Variants in PLCZ1 observed in about 807,000 individuals in gnomAD.
PLCZ1 encodes the protein 1-phosphatidylinositol 4,5-bisphosphate phosphodiesterase zeta-1.
A neutral mutation model predicts 76.8 loss-of-function variants in PLCZ1; 64 were observed. The ratio of observed to expected loss-of-function variants is 0.83; its 90% CI spans 0.68 to 1.03. PLCZ1 has a LOEUF of 1.03. Among genes scored for constraint, PLCZ1 ranks in the 50% least tolerant of loss-of-function variants. PLCZ1 has a pLI of 0.00. For missense variants in PLCZ1, 751 were observed against 713.7 expected, an observed-to-expected ratio of 1.05 and a Z score of -0.60; for synonymous variants, 248 against 230.8, an observed-to-expected ratio of 1.07 and a Z score of -0.68.
chr12:18,650,679 T>TGA, the PLCZ1 span, among the ~76,000 whole-genome samples: 1 of 40,106 alleles, frequency 2.5e-5, no homozygotes, highest in Admixed American at 4.3e-4. Flanking sequence ...TGTGTGTGTG[T>TGA]GTGTGTGTGT....
intron 4 of PLCZ1, among the ~76,000 whole-genome samples, chr12:18,722,545 A>G (rs1159880131): frequency 6.6e-6 from 1 of 152,070 alleles, no homozygotes; most frequent in African/African-American, 2.4e-5. Context: ...GAGCTATTCT[A>G]TCAGTTAGTT....
At position 18,701,689 on chromosome 12, in the gene PLCZ1, T is replaced by C. The variant is rs1955951205; in HGVS notation, c.949+3A>G. 24 of 1,610,246 alleles carry C rather than the reference T, an allele frequency of 1.5e-5. No individual in the cohort carries two copies. The African/African-American group carries it at 1.7e-4, about 12-fold the overall frequency. ...ACTTCTTCTTCCCATTCCTCCACCT[T>C]ACCACGCTTATCAGAACCTTTTCTT... On this transcript the variant is annotated splice_donor_region_variant and intron_variant, in intron 8 of 14. Coordinates refer to ENST00000266505, the MANE Select transcript of PLCZ1 (RefSeq NM_033123.4).
intron 11 of PLCZ1, 27 bp from the exon 12 acceptor site, chr12:18,695,106 G>T: frequency 6.3e-7 from 1 of 1,596,760 alleles, no homozygotes; most frequent in East Asian, 2.2e-5. Context: ...TTTTGACATT[G>T]TCAGGTAATA....
Position 18,706,838 on chromosome 12 carries a change from A to T in PLCZ1, c.715-1523T>A, listed in dbSNP as rs75272934. Among the ~76,000 whole-genome samples, 1,087 of 152,282 alleles carry T rather than the reference A, an allele frequency of 7.1e-3. 11 individuals carry two copies. Among genetic ancestry groups the T allele is most frequent in the African/African-American group, 0.025 (1,054 of 41,550 alleles). Reference sequence around the variant, plus strand: ...AAATTACTACAAACCTTGGTGGCTTACAACAACAACATTTATTCTCTCACT... The same window carrying T: ...AAATTACTACAAACCTTGGTGGCTTTCAACAACAACATTTATTCTCTCACT... On this transcript the variant is annotated intron_variant, in intron 6 of 14. Transcript: ENST00000266505.
At chr12:18,668,727 T>C in the PLCZ1 span, among the ~76,000 whole-genome samples, 1 of 152,130 alleles carries the variant, frequency 6.6e-6, no homozygotes, top group Non-Finnish European at 1.5e-5. Context: ...ACTCTCTGGG[T>C]AGAAGTGCTC....
chr12:18,683,184 T>C lies in PLCZ1; in HGVS notation c.*55A>G. ...AAAAAAGAAAACATAAAGACATTCA[T>C]TTTGGCTGTTTTATTGCGATGCATA... is the stretch of plus-strand genomic sequence containing the variant. On this transcript the variant is annotated 3_prime_UTR_variant, in exon 15 of 15. Coordinates refer to ENST00000266505, the MANE Select transcript of PLCZ1 (RefSeq NM_033123.4). 1 of 1,435,330 alleles carries C rather than the reference T, an allele frequency of 7.0e-7. No homozygotes were observed. Among genetic ancestry groups the C allele is most frequent in the South Asian group, 1.1e-5 (1 of 87,140 alleles). The allele number at this position is 1,435,330 out of a possible 1,614,324, so 88.9% of individuals were successfully genotyped here. A position where few individuals can be genotyped will look rare whatever the true frequency, so the allele number is the denominator to read the frequency against.
the PLCZ1 span, among the ~76,000 whole-genome samples, chr12:18,668,064 C>T: frequency 3.3e-4 from 51 of 152,296 alleles, no homozygotes; most frequent in African/African-American, 1.2e-3. Context: ...CAAAGTTCGT[C>T]TCCACTTAGC....
rs1953486733 is a variant in PLCZ1 at position 18,688,268 on chromosome 12, T to C, written c.1462-50A>G. 3 of 1,540,296 alleles carry C rather than the reference T, an allele frequency of 1.9e-6. No homozygotes were observed. The East Asian group carries it at 6.8e-5, about 35-fold the overall frequency. On this transcript the variant is annotated intron_variant, in intron 12 of 14. Coordinates refer to ENST00000266505, the MANE Select transcript of PLCZ1 (RefSeq NM_033123.4). ...GAATTTAGCAAGATATTAAGTTACA[T>C]CACCATTTATTTCAAAATTAAGTTA... is the stretch of plus-strand genomic sequence containing the variant.
At chr12:18,693,855 C>G (rs1166376400) in intron 12 of PLCZ1, 2 of 1,531,852 alleles carry the variant, frequency 1.3e-6, no homozygotes, top group East Asian at 2.3e-5. Context: ...GATGAAAAGA[C>G]GAAGAAGCCC....
At chr12:18,700,538 A>AAAAAAG (rs1370935394) in intron 9 of PLCZ1, among the ~76,000 whole-genome samples, 46 of 135,972 alleles carry the variant, frequency 3.4e-4, no homozygotes, top group Non-Finnish European at 4.5e-4. Flanking sequence ...AAAAAAAAAT[A>AAAAAAG]GTTGCTCTGC....
chr12:18,731,049 T>C (rs1485755149), intron 3 of PLCZ1: 1 of 152,106 alleles, frequency 6.6e-6, no homozygotes, highest in Admixed American at 6.6e-5. Context: ...ACTTTGGTTT[T>C]CACTGGGGTC....
chr12:18,650,367 G>T, the PLCZ1 span, among the ~76,000 whole-genome samples: 1 of 138,934 alleles, frequency 7.2e-6, no homozygotes, highest in Admixed American at 7.1e-5. Context: ...GTGTGTGTGT[G>T]TGTGTGTGTC....
chr12:18,656,551 C>A, the PLCZ1 span, among the ~76,000 whole-genome samples: 11 of 152,066 alleles, frequency 7.2e-5, no homozygotes, highest in Non-Finnish European at 1.5e-4. Flanking sequence ...GGCGACAGAG[C>A]GAGACTCTGT....
chr12:18,712,742 T>C, intron 6 of PLCZ1, 100 bp downstream of exon 6: 1 of 1,399,810 alleles, frequency 7.1e-7, no homozygotes, highest in Non-Finnish European at 1.0e-6. Flanking sequence ...CAATTTGAAA[T>C]ATCATCTAAA....
At chr12:18,725,803 G>A (rs7969584) in intron 3 of PLCZ1, among the ~76,000 whole-genome samples, 72,706 of 151,678 alleles carry the variant, frequency 0.48, 20,415 homozygotes, top group East Asian at 0.67. Flanking sequence ...TTTTCTTTCC[G>A]GAATATCCTT....
At chr12:18,647,080 A>AT in the PLCZ1 span, among the ~76,000 whole-genome samples, 17,732 of 151,110 alleles carry the variant, frequency 0.12, 1,334 homozygotes, top group African/African-American at 0.21. Context: ...CCTTTTTGGT[A>AT]TTTTTTTTTG....
In PLCZ1 at chr12:18,684,284, A is replaced by C. The variant is rs750083037; in HGVS notation, c.1592-5T>G. 1 of 1,597,596 alleles carries C rather than the reference A, an allele frequency of 6.3e-7. No individual in the cohort carries two copies. The highest frequency in any genetic ancestry group is 1.1e-5 in the South Asian group (1 of 90,560). On this transcript the variant is annotated splice_region_variant and splice_polypyrimidine_tract_variant and intron_variant, in intron 13 of 14. Coordinates refer to ENST00000266505, the MANE Select transcript of PLCZ1 (RefSeq NM_033123.4). ...CATTCCATCTTGGACTAAAAGCTGA[A>C]ATATAAAAAAAGAAGATACAAAGAA... is the stretch of plus-strand genomic sequence containing the variant.
At chr12:18,647,932 G>A in the PLCZ1 span, 17 of 1,599,022 alleles carry the variant, frequency 1.1e-5, no homozygotes, top group Non-Finnish European at 1.4e-5. Flanking sequence ...TTATTGTGAA[G>A]AGTAAAACTG....
chr12:18,688,002 A>G lies in PLCZ1; in HGVS notation c.1591+87T>C. On this transcript the variant is annotated intron_variant, in intron 13 of 14. Coordinates refer to ENST00000266505, the MANE Select transcript of PLCZ1 (RefSeq NM_033123.4). ...AACCCTTGTCTTATGAATAATAAAT[A>G]TGTACAAAAACTCTATCAACATATA... 3 of 1,535,312 alleles carry G rather than the reference A, an allele frequency of 2.0e-6. No individual in the cohort carries two copies. The South Asian group carries it at 3.5e-5, about 18-fold the overall frequency.
Sources: gnomAD v4.1 joint callset for allele counts (sites outside exome capture counted in the v4.1 genomes callset) on GRCh38, gnomAD v4.1.1 for gene constraint, MANE v1.5 for transcripts, NCBI Gene and HGNC (gene_info 2026-07-23, HGNC 2026-07-21) for gene names.